Variants in ZNF804A observed in about 807,000 individuals in gnomAD.
ZNF804A encodes zinc finger protein 804A.
ZNF804A carries 2 observed loss-of-function variants against 16.5 expected under a neutral mutation model. The observed-to-expected ratio is 0.12, with a 90% CI of 0.05 to 0.38. The LOEUF is 0.38. ZNF804A is among the 10% of genes least tolerant of loss of function. The pLI, the probability that ZNF804A is intolerant of heterozygous loss-of-function variation, is 0.99. For synonymous variants in ZNF804A, 534 were observed against 489.6 expected, an observed-to-expected ratio of 1.09 and a Z score of -1.20; for missense variants, 1,473 against 1,390.7, an observed-to-expected ratio of 1.06 and a Z score of -0.94.
intron 2 of ZNF804A, among the ~76,000 whole-genome samples, chr2:184,881,787 T>C (rs1010435446): frequency 2.6e-5 from 4 of 152,008 alleles, no homozygotes; most frequent in African/African-American, 9.7e-5. Flanking sequence ...AGGAGGTCCT[T>C]AAGGGAGTGC....
intron 1 of ZNF804A, among the ~76,000 whole-genome samples, chr2:184,642,522 A>G (rs1036141974): frequency 3.3e-5 from 5 of 152,206 alleles, no homozygotes; most frequent in African/African-American, 1.2e-4. Flanking sequence ...TTAAAAATTC[A>G]TTAGTCGGGA....
chr2:184,855,473 A>G (rs1028128122), intron 1 of ZNF804A, among the ~76,000 whole-genome samples: 6 of 152,144 alleles, frequency 3.9e-5, no homozygotes, highest in South Asian at 2.1e-4. Flanking sequence ...CTCATCAAAC[A>G]TAACTTTTAT....
chr2:184,679,435 C>G (rs1159948990), intron 1 of ZNF804A, among the ~76,000 whole-genome samples: 1 of 152,088 alleles, frequency 6.6e-6, no homozygotes, highest in Non-Finnish European at 1.5e-5. Context: ...GGAGCCCCAC[C>G]CCTTATGAGT....
intron 2 of ZNF804A, among the ~76,000 whole-genome samples, chr2:184,895,691 A>G (rs1022253486): frequency 1.3e-5 from 2 of 152,234 alleles, no homozygotes; most frequent in African/African-American, 4.8e-5. Context: ...TGCAATTCTC[A>G]ACTCTAGCAA....
chr2:184,781,370 A>G (rs1259394424), intron 1 of ZNF804A, among the ~76,000 whole-genome samples: 1 of 151,788 alleles, frequency 6.6e-6, no homozygotes, highest in African/African-American at 2.4e-5. Context: ...CCAGGAGAGA[A>G]TAACTGTTAA....
At chr2:184,934,738 A>G (rs1257521697) in intron 3 of ZNF804A, among the ~76,000 whole-genome samples, 2 of 152,128 alleles carry the variant, frequency 1.3e-5, no homozygotes, top group Non-Finnish European at 2.9e-5. Context: ...GCTAATAATG[A>G]TATACACAAA....
chr2:184,902,795 G>T (rs984119254), intron 2 of ZNF804A, among the ~76,000 whole-genome samples: 2 of 151,982 alleles, frequency 1.3e-5, no homozygotes, highest in African/African-American at 4.8e-5. Context: ...TAAGCTTAAG[G>T]CCAAATGTTA....
At chr2:184,862,348 A>G (rs1298094902) in intron 1 of ZNF804A, among the ~76,000 whole-genome samples, 1 of 152,228 alleles carries the variant, frequency 6.6e-6, no homozygotes, top group African/African-American at 2.4e-5. Flanking sequence ...AACAATACAT[A>G]TGACTCCTTT....
At position 184,883,331 on chromosome 2, in the gene ZNF804A, C is replaced by T. The variant is rs368489570; in HGVS notation, c.255+16819C>T. On this transcript the variant is annotated intron_variant, in intron 2 of 3. Transcript: ENST00000302277. The stretch of plus-strand genomic sequence containing the variant: ...CCAGGACCAGACATATTCAAAGCCA[C>T]ATTCTATGAGACATATAAAGAAGAG... Among the ~76,000 whole-genome samples, 4 of 152,016 alleles carry T rather than the reference C, an allele frequency of 2.6e-5. No homozygotes were observed. In the East Asian group the frequency reaches 7.7e-4, roughly 29 times the overall value.
intron 2 of ZNF804A, among the ~76,000 whole-genome samples, chr2:184,921,063 TA>T (rs1685521562): frequency 6.6e-6 from 1 of 152,206 alleles, no homozygotes; most frequent in Non-Finnish European, 1.5e-5. Flanking sequence ...AACGGAGTTT[TA>T]CCATATTGGC....
At chr2:184,836,235 A>G (rs184167064) in intron 1 of ZNF804A, among the ~76,000 whole-genome samples, 1 of 152,128 alleles carries the variant, frequency 6.6e-6, no homozygotes, top group Non-Finnish European at 1.5e-5. Context: ...AGGATAGATA[A>G]TGAGTGCCAT....
chr2:184,810,336 A>G (rs1694872280), intron 1 of ZNF804A, among the ~76,000 whole-genome samples: 1 of 152,154 alleles, frequency 6.6e-6, no homozygotes, highest in Admixed American at 6.6e-5. Context: ...CAAATCAATT[A>G]TATGTGTTCA....
rs374011269 is a variant in ZNF804A at position 184,937,467 on chromosome 2, A to C, written c.2071A>C (p.Asn691His). Residue 691 changes from asparagine to histidine, a missense_variant, in exon 4 of 4, where the codon AAC becomes CAC. Transcript: ENST00000302277. ...CACTTATGATACTATCAGTTCTAAA[A>C]ACCACTGTAAAAAGAACACAATACT... is the stretch of plus-strand genomic sequence containing the variant. ...YNTYDTISSK[N>H]HCKKNTILLN... 9 of 1,585,576 alleles carry C rather than the reference A, an allele frequency of 5.7e-6. No homozygotes were observed. In the African/African-American group the frequency reaches 1.2e-4, roughly 21 times the overall value.
At chr2:184,931,466 C>T (rs890696280) in intron 2 of ZNF804A, among the ~76,000 whole-genome samples, 17 of 152,214 alleles carry the variant, frequency 1.1e-4, no homozygotes, top group East Asian at 1.9e-4. Context: ...ACCAAGACTT[C>T]GGGCTTGCAC....
chr2:184,770,199 T>G (rs1212208736), intron 1 of ZNF804A, among the ~76,000 whole-genome samples: 1 of 152,078 alleles, frequency 6.6e-6, no homozygotes, highest in East Asian at 1.9e-4. Flanking sequence ...TCCAAATGAT[T>G]AAGGGAAGTT....
chr2:184,799,949 T>C (rs2105782302), intron 1 of ZNF804A, among the ~76,000 whole-genome samples: 1 of 152,272 alleles, frequency 6.6e-6, no homozygotes, highest in East Asian at 1.9e-4. Flanking sequence ...GTCCTGATGC[T>C]TTTTTTATGT....
intron 2 of ZNF804A, among the ~76,000 whole-genome samples, chr2:184,866,982 CAT>C (rs1471709721): frequency 6.6e-6 from 1 of 151,042 alleles, no homozygotes; most frequent in Non-Finnish European, 1.5e-5. Context: ...ACTATGAAAA[CAT>C]GTGAAAAAAA....
rs555225469 is a variant in ZNF804A, at chr2:184,601,789, T to C, written c.111+2719T>C. ...GGAAGTGCAACTTTAAACATAAAAT[T>C]ACTCAGTGAAAAGGTACTTTGATTA... On this transcript the variant is annotated intron_variant, in intron 1 of 3. Transcript: ENST00000302277. 6.5e-4 allele frequency among the ~76,000 whole-genome samples: 99 copies of C among 151,952 alleles called. 1 individual carries two copies. The highest frequency in any genetic ancestry group is 1.3e-3 in the Non-Finnish European group (85 of 67,830).
chr2:184,897,422 C>CTTTTTTCCCCTTTCCATACAGCAA (rs1223189899), intron 2 of ZNF804A, among the ~76,000 whole-genome samples: 3 of 150,540 alleles, frequency 2.0e-5, no homozygotes, highest in Non-Finnish European at 4.4e-5. Context: ...TTTTCCCCCC[C>CTTTTTTCCCCTTTCCATACAGCAA]TTTTTTCCCC....
Sources: allele counts gnomAD v4.1 joint callset (sites outside exome capture counted in the v4.1 genomes callset), GRCh38; gene constraint gnomAD v4.1.1; transcripts MANE v1.5; gene names NCBI Gene and HGNC (gene_info 2026-07-23, HGNC 2026-07-21).